Variants in CAPZB observed in about 807,000 individuals in gnomAD.
CAPZB encodes the protein F-actin-capping protein subunit beta.
CAPZB carries 2 observed loss-of-function variants against 38.1 expected under a neutral mutation model. That is an observed-to-expected ratio of 0.05 (90% CI 0.02 to 0.17). The LOEUF is 0.17. Among genes scored for constraint, CAPZB ranks in the 10% least tolerant of loss-of-function variants. CAPZB has a pLI of 1.00. For missense variants in CAPZB, 161 were observed against 334.2 expected (o/e 0.48, Z 4.04); for synonymous variants, 107 against 127.4 (o/e 0.84, Z 1.08).
chr1:19,428,394 C>T (rs2094430876), intron 1 of CAPZB, among the ~76,000 whole-genome samples: 1 of 151,166 alleles, frequency 6.6e-6, no homozygotes, highest in South Asian at 2.1e-4. Flanking sequence ...CAGAGTGAGA[C>T]TGTCCCACAC....
At chr1:19,348,561 G>C (rs1447407581) in intron 6 of CAPZB, among the ~76,000 whole-genome samples, 1 of 152,096 alleles carries the variant, frequency 6.6e-6, no homozygotes, top group East Asian at 1.9e-4. Flanking sequence ...GGCTCTGAAG[G>C]CCTGCTGTCT....
intron 2 of CAPZB, among the ~76,000 whole-genome samples, chr1:19,410,488 G>C (rs990987717): frequency 1.3e-5 from 2 of 152,174 alleles, no homozygotes; most frequent in Non-Finnish European, 2.9e-5. Context: ...GTGTATGGGT[G>C]GGGGGTGGTG....
At chr1:19,460,249 T>C (rs960914898) in intron 1 of CAPZB, among the ~76,000 whole-genome samples, 2 of 152,296 alleles carry the variant, frequency 1.3e-5, no homozygotes, top group Non-Finnish European at 2.9e-5. Flanking sequence ...AATTTGTGAG[T>C]GGAAGACATG....
chr1:19,370,021 A>G lies in CAPZB; in HGVS notation c.329+8519T>C, dbSNP rs767935684. ...CAATCCAGCCTCCACACTACTTCCG[A>G]GGAACTTCTTTGGATGCACATCAGA... On this transcript the variant is annotated intron_variant, in intron 4 of 8. Transcript: ENST00000264202. Among the ~76,000 whole-genome samples the G allele has an allele frequency of 2.8e-4, 42 of 152,224 alleles. 1 individual carries two copies. The highest frequency in any genetic ancestry group is 6.2e-4 in the South Asian group (3 of 4,826).
chr1:19,371,221 G>A (rs995084513), intron 4 of CAPZB, among the ~76,000 whole-genome samples: 6 of 152,198 alleles, frequency 3.9e-5, no homozygotes, highest in African/African-American at 9.7e-5. Context: ...GCCCCATCCC[G>A]AAACTACGGC....
At chr1:19,395,599 A>G (rs1034002780) in intron 2 of CAPZB, among the ~76,000 whole-genome samples, 1 of 152,212 alleles carries the variant, frequency 6.6e-6, no homozygotes, top group Non-Finnish European at 1.5e-5. Flanking sequence ...ATTTGGGTCA[A>G]CCACAGGCAC....
At chr1:19,364,329 C>T (rs1239990181) in intron 4 of CAPZB, among the ~76,000 whole-genome samples, 1 of 152,240 alleles carries the variant, frequency 6.6e-6, no homozygotes, top group Non-Finnish European at 1.5e-5. Flanking sequence ...CACCACAGGG[C>T]AGGTTCCTAA....
chr1:19,350,185 G>A (rs78960518), intron 6 of CAPZB, among the ~76,000 whole-genome samples: 3,504 of 152,360 alleles, frequency 0.023, 56 homozygotes, highest in South Asian at 0.055. Context: ...ATCTTCTAGC[G>A]CGACCCGCAG....
At chr1:19,384,784 C>A (rs897124288) in intron 3 of CAPZB, among the ~76,000 whole-genome samples, 5 of 152,190 alleles carry the variant, frequency 3.3e-5, no homozygotes, top group African/African-American at 1.2e-4. Flanking sequence ...GATTCCCACT[C>A]TTAAAAAATA....
At chr1:19,447,645 G>A (rs1437564606) in intron 1 of CAPZB, among the ~76,000 whole-genome samples, 1 of 152,120 alleles carries the variant, frequency 6.6e-6, no homozygotes. Flanking sequence ...CCAGCGAAAT[G>A]GTGAGTTGCA....
chr1:19,403,463 T>C (rs749961605), intron 2 of CAPZB, among the ~76,000 whole-genome samples: 3 of 152,134 alleles, frequency 2.0e-5, no homozygotes, highest in Admixed American at 6.5e-5. Context: ...TGTACAAAGA[T>C]GCAACAAGAC....
At chr1:19,366,283 A>AATAAATAAATATAT (rs71008151) in intron 4 of CAPZB, among the ~76,000 whole-genome samples, 16 of 60,502 alleles carry the variant, frequency 2.6e-4, no homozygotes, top group Admixed American at 2.4e-3. Flanking sequence ...CGTGTCTTAA[A>AATAAATAAATATAT]ATATATATAT....
intron 1 of CAPZB, among the ~76,000 whole-genome samples, chr1:19,441,778 C>T (rs1204063924): frequency 1.3e-5 from 2 of 151,756 alleles, no homozygotes; most frequent in African/African-American, 4.8e-5. Context: ...GAGGCCGAGG[C>T]GGGCAGATCA....
intron 2 of CAPZB, among the ~76,000 whole-genome samples, chr1:19,409,306 C>T (rs750162014): frequency 2.2e-4 from 34 of 152,036 alleles, no homozygotes; most frequent in Non-Finnish European, 2.2e-4. Flanking sequence ...AGGGGATCCA[C>T]TTCATTAGAA....
chr1:19,482,638 T>A (rs536982584), intron 1 of CAPZB, among the ~76,000 whole-genome samples: 4 of 152,352 alleles, frequency 2.6e-5, no homozygotes, highest in Non-Finnish European at 5.9e-5. Flanking sequence ...GCATTTTAAC[T>A]GGGAAGGAGA....
intron 1 of CAPZB, among the ~76,000 whole-genome samples, chr1:19,441,773 C>T (rs950789201): frequency 4.6e-5 from 7 of 151,756 alleles, no homozygotes; most frequent in African/African-American, 9.7e-5. Flanking sequence ...TTTGGGAGGC[C>T]GAGGCGGGCA....
In CAPZB at chr1:19,374,842, G is replaced by A. The variant is rs564729676; in HGVS notation, c.329+3698C>T. The stretch of plus-strand genomic sequence containing the variant: ...TGAACAGAAGATAGGTGGGAGAGCT[G>A]TGGCCTTGCTCAGGGGACAACAAAC... On this transcript the variant is annotated intron_variant, in intron 4 of 8. Coordinates refer to ENST00000264202, the MANE Select transcript of CAPZB (RefSeq NM_004930.5). Among the ~76,000 whole-genome samples, 4 of 152,354 alleles carry A rather than the reference G, an allele frequency of 2.6e-5. No individual in the cohort carries two copies. The South Asian group carries it at 8.3e-4, about 32-fold the overall frequency.
At chr1:19,340,820 G>C (rs2093924081) in intron 8 of CAPZB, among the ~76,000 whole-genome samples, 1 of 152,160 alleles carries the variant, frequency 6.6e-6, no homozygotes, top group Admixed American at 6.5e-5. Context: ...GTTAGGCAAA[G>C]ACTTCCTAAA....
chr1:19,438,939 A>G (rs1558262192), intron 1 of CAPZB, among the ~76,000 whole-genome samples: 1 of 152,276 alleles, frequency 6.6e-6, no homozygotes, highest in East Asian at 1.9e-4. Flanking sequence ...TCTCACAGGA[A>G]GATTAAATCC....
Sources: allele counts gnomAD v4.1 joint callset (sites outside exome capture counted in the v4.1 genomes callset), GRCh38; gene constraint gnomAD v4.1.1; transcripts MANE v1.5; gene names NCBI Gene and HGNC (gene_info 2026-07-23, HGNC 2026-07-21).